The following SLC35F3 variants were observed in gnomAD, a reference collection of about 807,000 sequenced individuals.
SLC35F3 encodes the protein putative thiamine transporter SLC35F3.
SLC35F3 carries 25 observed loss-of-function variants against 49.9 expected under a neutral mutation model. That is an observed-to-expected ratio of 0.50 (90% CI 0.37 to 0.70). SLC35F3 has a LOEUF of 0.70. Among genes scored for constraint, SLC35F3 ranks in the 30% least tolerant of loss-of-function variants. The pLI, the probability that SLC35F3 is intolerant of heterozygous loss-of-function variation, is 0.00. For missense variants in SLC35F3, 525 were observed against 639.8 expected (o/e 0.82, Z 1.94); for synonymous variants, 275 against 265.4 (o/e 1.04, Z -0.35).
intron 7 of SLC35F3, among the ~76,000 whole-genome samples, chr1:234,322,490 A>T (rs1019647834): frequency 1.3e-5 from 2 of 152,184 alleles, no homozygotes; most frequent in Admixed American, 1.3e-4. Context: ...TGGGCCACAT[A>T]AAGGTCTTCA....
At chr1:234,149,033 T>C (rs546748708) in intron 2 of SLC35F3, among the ~76,000 whole-genome samples, 1 of 152,268 alleles carries the variant, frequency 6.6e-6, no homozygotes, top group African/African-American at 2.4e-5. Flanking sequence ...CAAGTGAAGA[T>C]GTCAAATCAG....
chr1:234,262,733 G>A (rs982368007), intron 3 of SLC35F3, among the ~76,000 whole-genome samples: 9 of 152,180 alleles, frequency 5.9e-5, no homozygotes, highest in South Asian at 2.1e-4. Flanking sequence ...ATGCGGTTCC[G>A]GTTGTGGTCT....
At chr1:233,988,916 T>A (rs948683959) in intron 2 of SLC35F3, among the ~76,000 whole-genome samples, 2 of 152,210 alleles carry the variant, frequency 1.3e-5, no homozygotes, top group African/African-American at 2.4e-5. Flanking sequence ...AGGCAGCAGA[T>A]CATGGTGGTG....
chr1:234,055,417 G>A (rs1333921554), intron 2 of SLC35F3, among the ~76,000 whole-genome samples: 1 of 152,196 alleles, frequency 6.6e-6, no homozygotes, highest in African/African-American at 2.4e-5. Context: ...TGCTGTGCTA[G>A]CAGTGAGCAA....
At chr1:234,165,647 A>G (rs1025217141) in intron 2 of SLC35F3, among the ~76,000 whole-genome samples, 2 of 151,800 alleles carry the variant, frequency 1.3e-5, no homozygotes, top group Non-Finnish European at 2.9e-5. Flanking sequence ...CTGCCTCCCT[A>G]TGTACTGGGA....
rs1662505112 is a variant in SLC35F3, at chr1:233,945,863, T to C, written c.283+40105T>C. On this transcript the variant is annotated intron_variant, in intron 2 of 7. Coordinates refer to ENST00000366618, the MANE Select transcript of SLC35F3 (RefSeq NM_173508.4). ...CAGCCATGTGTGACTGTGAGTCAAT[T>C]AAACCTCAGCAATCTCAGGTATGTC... Among the ~76,000 whole-genome samples, 5 of 152,216 alleles carry C rather than the reference T, an allele frequency of 3.3e-5. No individual in the cohort carries two copies. In the South Asian group the frequency reaches 1.0e-3, roughly 32 times the overall value.
chr1:234,208,001 C>A (rs1666998754), intron 2 of SLC35F3, among the ~76,000 whole-genome samples: 3 of 152,182 alleles, frequency 2.0e-5, no homozygotes, highest in Non-Finnish European at 2.9e-5. Flanking sequence ...AGAGCAAGAT[C>A]CTGTCTCTTT....
intron 2 of SLC35F3, among the ~76,000 whole-genome samples, chr1:234,170,463 T>C (rs1464583042): frequency 6.6e-6 from 1 of 151,976 alleles, no homozygotes; most frequent in Non-Finnish European, 1.5e-5. Flanking sequence ...CCAGATGTCC[T>C]TAGGCGGCTT....
intron 2 of SLC35F3, among the ~76,000 whole-genome samples, chr1:234,049,646 G>A (rs1341514870): frequency 1.3e-5 from 2 of 151,898 alleles, no homozygotes; most frequent in Admixed American, 6.6e-5. Flanking sequence ...TTGTTTGTTT[G>A]TTTTATTATA....
At chr1:234,230,525 C>A (rs1572105239) in intron 2 of SLC35F3, among the ~76,000 whole-genome samples, 1 of 152,200 alleles carries the variant, frequency 6.6e-6, no homozygotes, top group African/African-American at 2.4e-5. Flanking sequence ...TAGTTACACC[C>A]GACACAAGCT....
intron 2 of SLC35F3, among the ~76,000 whole-genome samples, chr1:234,011,834 AC>A (rs1267246621): frequency 5.3e-5 from 8 of 152,098 alleles, no homozygotes; most frequent in Non-Finnish European, 1.0e-4. Context: ...GCCCCTCCAC[AC>A]CTGTGGGAAT....
intron 2 of SLC35F3, among the ~76,000 whole-genome samples, chr1:234,164,537 A>C (rs1666283761): frequency 6.6e-6 from 1 of 152,028 alleles, no homozygotes; most frequent in East Asian, 1.9e-4. Flanking sequence ...AGGCACAGTC[A>C]TTGGAAGGGC....
At chr1:233,993,116 G>T (rs1035819481) in intron 2 of SLC35F3, among the ~76,000 whole-genome samples, 1 of 152,112 alleles carries the variant, frequency 6.6e-6, no homozygotes, top group Non-Finnish European at 1.5e-5. Context: ...ACAATTAGCT[G>T]TCCACCGTGC....
intron 2 of SLC35F3, among the ~76,000 whole-genome samples, chr1:233,959,197 G>A (rs961147606): frequency 6.6e-6 from 1 of 151,944 alleles, no homozygotes; most frequent in East Asian, 1.9e-4. Context: ...CACGTATAAA[G>A]TAGCGTACAG....
chr1:234,002,322 T>C (rs1029205584), intron 2 of SLC35F3, among the ~76,000 whole-genome samples: 7 of 152,182 alleles, frequency 4.6e-5, no homozygotes, highest in Non-Finnish European at 7.3e-5. Context: ...AAGGTCCTTT[T>C]TCTGTTGTAG....
At chr1:234,143,288 C>CTTTTTTTTTTTTTTTTTTTTT (rs1352256091) in intron 2 of SLC35F3, among the ~76,000 whole-genome samples, 1 of 123,564 alleles carries the variant, frequency 8.1e-6, no homozygotes, top group Non-Finnish European at 1.6e-5. Context: ...CTTTTCTTTT[C>CTTTTTTTTTTTTTTTTTTTTT]TTTTTTTTTT....
At chr1:234,168,793 T>C (rs909840173) in intron 2 of SLC35F3, among the ~76,000 whole-genome samples, 3 of 152,140 alleles carry the variant, frequency 2.0e-5, no homozygotes, top group Admixed American at 1.3e-4. Context: ...GAAGCCACTG[T>C]GGGGACTCCC....
chr1:234,310,807 G>T lies in SLC35F3; in HGVS notation c.828+1487G>T, dbSNP rs558478999. On this transcript the variant is annotated intron_variant, in intron 4 of 7. Coordinates refer to ENST00000366618, the MANE Select transcript of SLC35F3 (RefSeq NM_173508.4). ...CTAGCAGAAGAAACCCATTTTTTTT[G>T]AGGTTAAGAGAAGGAGGTGTGAAAA... 1.3e-4 allele frequency among the ~76,000 whole-genome samples: 20 copies of T among 152,120 alleles called. No homozygotes were observed. In the East Asian group the frequency reaches 1.7e-3, roughly 13 times the overall value.
chr1:233,973,840 A>G (rs536281482), intron 2 of SLC35F3, among the ~76,000 whole-genome samples: 3 of 152,318 alleles, frequency 2.0e-5, no homozygotes, highest in Non-Finnish European at 4.4e-5. Context: ...TTCTAAGCAT[A>G]AATTTTTTTT....
Sources: gnomAD v4.1 joint callset for allele counts (sites outside exome capture counted in the v4.1 genomes callset) on GRCh38, gnomAD v4.1.1 for gene constraint, MANE v1.5 for transcripts, NCBI Gene and HGNC (gene_info 2026-07-23, HGNC 2026-07-21) for gene names.